Variants in SSH2 observed in about 807,000 individuals in gnomAD.
SSH2 encodes protein phosphatase Slingshot homolog 2.
Under a neutral mutation model 135.2 loss-of-function variants are expected in SSH2, and 37 were observed. The observed-to-expected ratio is 0.27, with a 90% confidence interval of 0.21 to 0.36. The LOEUF (loss-of-function observed/expected upper bound fraction) is 0.36. SSH2 is among the 10% of genes least tolerant of loss of function. The pLI, the probability that SSH2 is intolerant of heterozygous loss-of-function variation, is 1.00. For missense variants in SSH2, 1,408 were observed against 1,765.3 expected (o/e 0.80, Z 3.63); for synonymous variants, 628 against 646.2 (o/e 0.97, Z 0.43).
chr17:29,674,895 T>TG (rs1329283968), intron 8 of SSH2, among the ~76,000 whole-genome samples: 1 of 152,250 alleles, frequency 6.6e-6, no homozygotes, highest in East Asian at 1.9e-4. Context: ...CATCCTGGGC[T>TG]GCATGTGGCC....
chr17:29,677,494 C>G (rs79008148), intron 7 of SSH2, among the ~76,000 whole-genome samples, 179 bp downstream of exon 7: 2,059 of 152,156 alleles, frequency 0.014, 23 homozygotes, highest in Middle Eastern at 0.031. Context: ...AGTGAGAGAC[C>G]CTGGCAAGTT....
At chr17:29,717,041 T>A (rs1429950417) in intron 3 of SSH2, among the ~76,000 whole-genome samples, 3 of 152,212 alleles carry the variant, frequency 2.0e-5, no homozygotes, top group Non-Finnish European at 4.4e-5. Context: ...TCTCTGACCA[T>A]TCCAGTTCCA....
intron 1 of SSH2, among the ~76,000 whole-genome samples, chr17:29,869,795 G>A (rs150161808): frequency 1.1e-3 from 161 of 152,252 alleles, no homozygotes; most frequent in African/African-American, 3.6e-3. Flanking sequence ...CAGGAAGGTC[G>A]CCTGCAGAAA....
intron 1 of SSH2, among the ~76,000 whole-genome samples, chr17:29,860,026 T>G (rs1211187095): frequency 6.6e-6 from 1 of 152,080 alleles, no homozygotes; most frequent in African/African-American, 2.4e-5. Flanking sequence ...TTTTGTATTT[T>G]TAGTAGAGAT....
At chr17:29,821,432 G>A (rs563767496) in intron 2 of SSH2, among the ~76,000 whole-genome samples, 7 of 151,312 alleles carry the variant, frequency 4.6e-5, no homozygotes, top group Non-Finnish European at 1.0e-4. Flanking sequence ...TTTACTAAGA[G>A]TAAAGCACTT....
At chr17:29,893,642 T>A (rs1400505713) in intron 1 of SSH2, among the ~76,000 whole-genome samples, 1 of 152,180 alleles carries the variant, frequency 6.6e-6, no homozygotes, top group Non-Finnish European at 1.5e-5. Context: ...TTACCCATTC[T>A]GTGGTATTTT....
At chr17:29,650,931 T>C in intron 12 of SSH2, 131 bp from the exon 13 acceptor site, 1 of 690,216 alleles carries the variant, frequency 1.4e-6, no homozygotes, top group Non-Finnish European at 2.2e-6. Flanking sequence ...TGAAGACAGC[T>C]AAAAAACTAA....
chr17:29,798,907 T>C (rs1387324732), intron 2 of SSH2, among the ~76,000 whole-genome samples: 1 of 152,232 alleles, frequency 6.6e-6, no homozygotes, highest in Non-Finnish European at 1.5e-5. Context: ...TTTTTTAGAA[T>C]TTTGTTTTAA....
chr17:29,894,090 G>A (rs2066399958), intron 1 of SSH2, among the ~76,000 whole-genome samples: 1 of 152,026 alleles, frequency 6.6e-6, no homozygotes, highest in Non-Finnish European at 1.5e-5. Context: ...CATGGCTTCA[G>A]TACAGCTTTA....
intron 5 of SSH2, among the ~76,000 whole-genome samples, chr17:29,688,435 A>G (rs2151087269): frequency 6.6e-6 from 1 of 152,292 alleles, no homozygotes; most frequent in South Asian, 2.1e-4. Context: ...TTTAATACTG[A>G]CTTAGGCTTG....
chr17:29,731,509 G>A (rs2040197748), intron 3 of SSH2, among the ~76,000 whole-genome samples: 1 of 151,564 alleles, frequency 6.6e-6, no homozygotes. Flanking sequence ...AGGCTGGAGT[G>A]CAGTGGCACG....
chr17:29,896,909 G>T (rs2066455955), intron 1 of SSH2, among the ~76,000 whole-genome samples: 1 of 151,666 alleles, frequency 6.6e-6, no homozygotes, highest in African/African-American at 2.4e-5. Context: ...TCATATTCCA[G>T]ACACTAAGGG....
At chr17:29,633,253 A>C (rs911089719) in intron 15 of SSH2, among the ~76,000 whole-genome samples, 4 of 152,206 alleles carry the variant, frequency 2.6e-5, no homozygotes, top group Non-Finnish European at 4.4e-5. Flanking sequence ...CCTATAATCT[A>C]TATTTTCCTA....
At chr17:29,872,601 A>G (rs776362545) in intron 1 of SSH2, among the ~76,000 whole-genome samples, 28 of 152,118 alleles carry the variant, frequency 1.8e-4, no homozygotes, top group Non-Finnish European at 3.2e-4. Context: ...ACAAAAATAA[A>G]AAATAAAAAT....
intron 1 of SSH2, among the ~76,000 whole-genome samples, chr17:29,908,864 G>A (rs143945835): frequency 1.3e-5 from 2 of 151,562 alleles, no homozygotes; most frequent in Non-Finnish European, 2.9e-5. Context: ...GGGTCATGAG[G>A]TCAGGAGATC....
intron 2 of SSH2, among the ~76,000 whole-genome samples, chr17:29,836,678 T>C (rs1291300424): frequency 6.6e-6 from 1 of 152,232 alleles, no homozygotes. Context: ...TAACAGCAAG[T>C]CATGGCCTTT....
chr17:29,796,371 C>T (rs1179131477), intron 2 of SSH2, among the ~76,000 whole-genome samples: 3 of 152,026 alleles, frequency 2.0e-5, no homozygotes, highest in African/African-American at 4.8e-5. Context: ...GACGGAGTCT[C>T]GCTCTGTTGC....
intron 14 of SSH2, among the ~76,000 whole-genome samples, chr17:29,646,298 G>A (rs1194410968): frequency 6.6e-6 from 1 of 152,044 alleles, no homozygotes; most frequent in Non-Finnish European, 1.5e-5. Flanking sequence ...GGTTCTTACC[G>A]ATATAGGAAG....
intron 2 of SSH2, among the ~76,000 whole-genome samples, chr17:29,805,498 G>A (rs2042328563): frequency 2.6e-5 from 4 of 152,058 alleles, no homozygotes; most frequent in Admixed American, 2.0e-4. Flanking sequence ...ACGTTGGTCC[G>A]CTGGTGTGCT....
Sources: gnomAD v4.1 joint callset for allele counts (sites outside exome capture counted in the v4.1 genomes callset) on GRCh38, gnomAD v4.1.1 for gene constraint, MANE v1.5 for transcripts, NCBI Gene and HGNC (gene_info 2026-07-23, HGNC 2026-07-21) for gene names.